The following DLG2 variants were observed in gnomAD, a reference collection of about 807,000 sequenced individuals.
DLG2 encodes the protein discs large MAGUK scaffold protein 2.
In DLG2, 45 loss-of-function variants were observed where a neutral mutation model predicts 132.5. The ratio of observed to expected loss-of-function variants is 0.34; its 90% CI spans 0.27 to 0.44. The LOEUF (loss-of-function observed/expected upper bound fraction) is 0.44, where lower values mean the gene tolerates loss of function less well. DLG2 is among the 20% of genes least tolerant of loss of function. The pLI, the probability that DLG2 is intolerant of heterozygous loss-of-function variation, is 1.00. For missense variants in DLG2, 1,045 were observed against 1,196.9 expected, an observed-to-expected ratio of 0.87 and a Z score of 1.87; for synonymous variants, 424 against 419.6, an observed-to-expected ratio of 1.01 and a Z score of -0.13.
intron 6 of DLG2, among the ~76,000 whole-genome samples, chr11:84,838,102 A>G (rs2080069529): frequency 6.6e-6 from 1 of 151,954 alleles, no homozygotes. Flanking sequence ...AATAAAACAA[A>G]GCAATATTAA....
intron 6 of DLG2, among the ~76,000 whole-genome samples, chr11:84,896,058 T>A (rs573695870): frequency 6.6e-6 from 1 of 152,184 alleles, no homozygotes; most frequent in Non-Finnish European, 1.5e-5. Context: ...CAGAAAACAA[T>A]GAAATTAACA....
intron 6 of DLG2, among the ~76,000 whole-genome samples, chr11:84,542,512 G>T (rs2099377535): frequency 6.6e-6 from 1 of 152,118 alleles, no homozygotes; most frequent in Non-Finnish European, 1.5e-5. Flanking sequence ...CCTGCAGAGT[G>T]GTCAGGCTAG....
intron 6 of DLG2, among the ~76,000 whole-genome samples, chr11:84,538,597 T>A (rs60970971): frequency 6.6e-6 from 1 of 150,590 alleles, no homozygotes; most frequent in African/African-American, 2.5e-5. Context: ...TTACTCCCTA[T>A]GTTTTTTTTT....
chr11:84,309,990 T>C (rs2098270631), intron 7 of DLG2, among the ~76,000 whole-genome samples: 1 of 152,196 alleles, frequency 6.6e-6, no homozygotes, highest in Non-Finnish European at 1.5e-5. Flanking sequence ...GCTTCAGATC[T>C]ACATAGTTCT....
At chr11:83,746,878 T>C (rs73511030) in intron 18 of DLG2, among the ~76,000 whole-genome samples, 2,107 of 152,316 alleles carry the variant, frequency 0.014, 58 homozygotes, top group African/African-American at 0.049. Context: ...ATTTTCATGA[T>C]TATCTTGAAC....
At chr11:84,932,401 T>A (rs2048199354) in intron 6 of DLG2, among the ~76,000 whole-genome samples, 1 of 152,134 alleles carries the variant, frequency 6.6e-6, no homozygotes, top group African/African-American at 2.4e-5. Context: ...TTGATTTGAT[T>A]ATTTTATGTT....
chr11:84,196,105 A>C (rs2154295086), intron 8 of DLG2, among the ~76,000 whole-genome samples: 1 of 152,374 alleles, frequency 6.6e-6, no homozygotes, highest in South Asian at 2.1e-4. Context: ...ATTTATTTCC[A>C]GTAATTTTTA....
intron 16 of DLG2, among the ~76,000 whole-genome samples, chr11:83,865,540 T>G (rs897182217): frequency 2.0e-5 from 3 of 151,614 alleles, no homozygotes; most frequent in African/African-American, 7.3e-5. Flanking sequence ...GGAGAAAGTT[T>G]CTGTAGAGAA....
At chr11:83,532,928 T>C (rs2095792512) in intron 20 of DLG2, 145 bp from the exon 21 acceptor site, 1 of 694,314 alleles carries the variant, frequency 1.4e-6, no homozygotes, top group Non-Finnish European at 2.3e-6. Context: ...TTGTTCCATA[T>C]AAAAAATCTT....
At chr11:84,903,081 C>T (rs957341976) in intron 6 of DLG2, among the ~76,000 whole-genome samples, 1 of 151,990 alleles carries the variant, frequency 6.6e-6, no homozygotes. Flanking sequence ...TTCCAACTCT[C>T]CTGTGAAAAT....
intron 11 of DLG2, among the ~76,000 whole-genome samples, chr11:84,012,077 A>C (rs189183629): frequency 6.6e-6 from 1 of 152,252 alleles, no homozygotes; most frequent in East Asian, 1.9e-4. Context: ...TATAGAAAAT[A>C]ACAAAACAGA....
At chr11:85,456,594 G>A (rs569563430) in intron 3 of DLG2, among the ~76,000 whole-genome samples, 15 of 152,210 alleles carry the variant, frequency 9.9e-5, no homozygotes, top group South Asian at 4.1e-4. Flanking sequence ...GCCTTTCGAC[G>A]TGGGCATTTA....
chr11:83,786,658 T>A (rs749681861), intron 18 of DLG2, 32 bp downstream of exon 18: 2 of 1,555,426 alleles, frequency 1.3e-6, no homozygotes, highest in East Asian at 4.5e-5. Context: ...CAGAGACATA[T>A]CAGAACATTA....
chr11:83,541,501 T>C (rs1312893914), intron 20 of DLG2, among the ~76,000 whole-genome samples, 181 bp downstream of exon 20: 1 of 152,178 alleles, frequency 6.6e-6, no homozygotes, highest in East Asian at 1.9e-4. Context: ...AAAACCCTAA[T>C]ATAGGAAAAA....
intron 6 of DLG2, among the ~76,000 whole-genome samples, chr11:84,616,262 A>G (rs1165734103): frequency 1.3e-5 from 2 of 152,034 alleles, no homozygotes; most frequent in Non-Finnish European, 2.9e-5. Flanking sequence ...CAGATAACCT[A>G]ATGGGTTTGA....
chr11:83,554,737 T>C (rs1319025239), intron 19 of DLG2, among the ~76,000 whole-genome samples: 1 of 152,206 alleles, frequency 6.6e-6, no homozygotes, highest in Non-Finnish European at 1.5e-5. Flanking sequence ...GACTGGGCAA[T>C]GGGCCTTGCT....
chr11:83,890,365 GA>G (rs1253267117), intron 15 of DLG2, among the ~76,000 whole-genome samples: 3 of 152,100 alleles, frequency 2.0e-5, no homozygotes, highest in Non-Finnish European at 4.4e-5. Flanking sequence ...CTGGATGTCA[GA>G]AATGTGGTCT....
chr11:83,783,287 GAA>G (rs2094911608), intron 18 of DLG2, among the ~76,000 whole-genome samples: 2 of 152,170 alleles, frequency 1.3e-5, no homozygotes, highest in African/African-American at 4.8e-5. Context: ...ATTTTAAGCA[GAA>G]GTGAGTAAAA....
In DLG2 at chr11:83,903,339, C is replaced by T. The variant is rs189371895; in HGVS notation, c.1496+26989G>A. On this transcript the variant is annotated intron_variant, in intron 15 of 27. Coordinates refer to ENST00000376104, the MANE Select transcript of DLG2 (RefSeq NM_001142699.3). The stretch of plus-strand genomic sequence containing the variant: ...AATAAGTAGGAAAAAACCTATCAGA[C>T]CCATTTTATATCAAGAATATTTGAA... Among the ~76,000 whole-genome samples, 15 of 152,008 alleles carry T rather than the reference C, an allele frequency of 9.9e-5. No homozygotes were observed. In the East Asian group the frequency reaches 2.9e-3, roughly 29 times the overall value.
Sources: allele counts gnomAD v4.1 joint callset (sites outside exome capture counted in the v4.1 genomes callset), GRCh38; gene constraint gnomAD v4.1.1; transcripts MANE v1.5; gene names NCBI Gene and HGNC (gene_info 2026-07-23, HGNC 2026-07-21).